The following PLEKHG1 variants were observed in gnomAD, a reference collection of about 807,000 sequenced individuals.
PLEKHG1 encodes the protein pleckstrin homology and RhoGEF domain containing G1, also known as pleckstrin homology domain-containing family G member 1.
A neutral mutation model predicts 100.8 loss-of-function variants in PLEKHG1; 44 were observed. The ratio of observed to expected loss-of-function variants is 0.44; its 90% CI spans 0.34 to 0.56. The LOEUF (loss-of-function observed/expected upper bound fraction) is 0.56, where lower values mean the gene tolerates loss of function less well. Among genes scored for constraint, PLEKHG1 ranks in the 20% least tolerant of loss-of-function variants. The pLI, the probability that PLEKHG1 is intolerant of heterozygous loss-of-function variation, is 0.01. For synonymous variants in PLEKHG1, 640 were observed against 662.5 expected (o/e 0.97, Z 0.52); for missense variants, 1,545 against 1,720.9 (o/e 0.90, Z 1.81).
chr6:150,773,995 G>A (rs1583100047), intron 3 of PLEKHG1, among the ~76,000 whole-genome samples: 1 of 151,822 alleles, frequency 6.6e-6, no homozygotes, highest in East Asian at 1.9e-4. Flanking sequence ...TTTCTCTATT[G>A]TTTAAATTGG....
chr6:150,795,973 C>A, intron 5 of PLEKHG1, 71 bp downstream of exon 6: 1 of 959,204 alleles, frequency 1.0e-6, no homozygotes, highest in Non-Finnish European at 1.7e-6. Flanking sequence ...TGGTGCAGTA[C>A]ACATGGTTGT....
exon 3 of PLEKHG1, chr6:150,768,725 T>C: frequency 6.3e-7 from 1 of 1,578,008 alleles, no homozygotes; most frequent in Non-Finnish European, 8.7e-7. Flanking sequence ...ACAGGATATC[T>C]ACCACTTCAA....
intron 3 of PLEKHG1, among the ~76,000 whole-genome samples, chr6:150,776,983 C>G (rs915756274): frequency 2.0e-5 from 3 of 151,950 alleles, no homozygotes; most frequent in African/African-American, 7.3e-5. Context: ...GCACATCAGC[C>G]ACACTGAGGC....
At chr6:150,604,655 A>T (rs892168868) in intron 1 of PLEKHG1, among the ~76,000 whole-genome samples, 1 of 152,196 alleles carries the variant, frequency 6.6e-6, no homozygotes, top group Non-Finnish European at 1.5e-5. Flanking sequence ...TATAATCAAG[A>T]TCATTTCGTC....
chr6:150,735,050 G>A (rs918635502), intron 2 of PLEKHG1, among the ~76,000 whole-genome samples: 16 of 136,910 alleles, frequency 1.2e-4, no homozygotes, highest in African/African-American at 2.0e-4. Flanking sequence ...GCAATGGTGC[G>A]ATCTTGGCTT....
chr6:150,784,350 T>C (rs1384741203), intron 3 of PLEKHG1, among the ~76,000 whole-genome samples: 1 of 152,152 alleles, frequency 6.6e-6, no homozygotes, highest in Non-Finnish European at 1.5e-5. Flanking sequence ...AATCTATAAA[T>C]CACAGGTAGA....
chr6:150,622,715 A>G (rs1351442341), intron 1 of PLEKHG1, among the ~76,000 whole-genome samples: 2 of 152,230 alleles, frequency 1.3e-5, no homozygotes, highest in African/African-American at 2.4e-5. Context: ...GTGTTCCTCT[A>G]GGCATCCTCT....
chr6:150,755,508 G>A (rs1384671854), intron 2 of PLEKHG1, among the ~76,000 whole-genome samples: 1 of 152,098 alleles, frequency 6.6e-6, no homozygotes, highest in Admixed American at 6.5e-5. Flanking sequence ...TGCTGCTCTG[G>A]GAAGGAACCT....
At chr6:150,631,104 G>C (rs1777729445) in intron 1 of PLEKHG1, among the ~76,000 whole-genome samples, 1 of 152,124 alleles carries the variant, frequency 6.6e-6, no homozygotes, top group East Asian at 1.9e-4. Context: ...AAGAGTAAGA[G>C]AGCCAAGAAA....
intron 3 of PLEKHG1, among the ~76,000 whole-genome samples, chr6:150,677,596 A>G (rs1779803963): frequency 6.6e-6 from 1 of 152,168 alleles, no homozygotes; most frequent in Non-Finnish European, 1.5e-5. Flanking sequence ...CACCTGATAC[A>G]TACCCCTCAT....
intron 3 of PLEKHG1, among the ~76,000 whole-genome samples, chr6:150,707,453 G>A (rs1372367031): frequency 6.6e-6 from 1 of 152,094 alleles, no homozygotes; most frequent in East Asian, 1.9e-4. Flanking sequence ...TGCACCTCAA[G>A]GGCCAGGCAG....
chr6:150,828,243 G>C, intron 14 of PLEKHG1: 1 of 1,613,756 alleles, frequency 6.2e-7, no homozygotes, highest in South Asian at 1.1e-5. Flanking sequence ...CAAGAGATGA[G>C]TTGGAATGGA....
In PLEKHG1 at chr6:150,755,570, G is replaced by A. The variant is rs1783789923; in HGVS notation, c.412-13068G>A. Among the ~76,000 whole-genome samples, 4 of 152,198 alleles carry A rather than the reference G, an allele frequency of 2.6e-5. No individual in the cohort carries two copies. In the South Asian group the frequency reaches 8.3e-4, roughly 32 times the overall value. On this transcript the variant is annotated intron_variant, in intron 2 of 15. Coordinates refer to ENST00000358517, the Ensembl canonical transcript of PLEKHG1. ...ACCAACACCTGCACATGTGTGCTGA[G>A]CTGCCTTGAATGGACCATGTGTGCA...
At chr6:150,639,608 G>T (rs936648260) in intron 2 of PLEKHG1, among the ~76,000 whole-genome samples, 28 of 151,868 alleles carry the variant, frequency 1.8e-4, no homozygotes, top group African/African-American at 6.5e-4. Context: ...AATGAAGCAG[G>T]CAGGTGAGTG....
At chr6:150,610,416 C>A (rs1776775162) in intron 1 of PLEKHG1, among the ~76,000 whole-genome samples, 1 of 152,210 alleles carries the variant, frequency 6.6e-6, no homozygotes, top group Non-Finnish European at 1.5e-5. Flanking sequence ...CTAGCACTTT[C>A]TATGTGGTAT....
At chr6:150,759,206 G>A (rs1784022080) in intron 2 of PLEKHG1, among the ~76,000 whole-genome samples, 1 of 152,210 alleles carries the variant, frequency 6.6e-6, no homozygotes. Context: ...GCAGATGGTT[G>A]AAAGCTGGTG....
At chr6:150,606,987 A>C (rs1328032652) in intron 1 of PLEKHG1, among the ~76,000 whole-genome samples, 7 of 151,748 alleles carry the variant, frequency 4.6e-5, no homozygotes, top group Non-Finnish European at 7.4e-5. Flanking sequence ...CCAAGAAAGA[A>C]GGAAGCAAAG....
At chr6:150,601,628 A>G (rs2128548693) in intron 1 of PLEKHG1, among the ~76,000 whole-genome samples, 1 of 152,296 alleles carries the variant, frequency 6.6e-6, no homozygotes. Context: ...TGACTAAAGA[A>G]ACTTTTTTCT....
At chr6:150,785,047 AG>A (rs1474700025) in intron 3 of PLEKHG1, among the ~76,000 whole-genome samples, 13 of 150,392 alleles carry the variant, frequency 8.6e-5, no homozygotes, top group Admixed American at 4.6e-4. Flanking sequence ...AAAAAAAAAA[AG>A]AGAGAGAGAG....
Sources: allele counts gnomAD v4.1 joint callset (sites outside exome capture counted in the v4.1 genomes callset), GRCh38; gene constraint gnomAD v4.1.1; transcripts MANE v1.5; gene names NCBI Gene and HGNC (gene_info 2026-07-23, HGNC 2026-07-21).